Variants in IGSF21 observed in about 807,000 individuals in gnomAD.
IGSF21 encodes immunoglobin superfamily member 21.
In IGSF21, 28 loss-of-function variants were observed where a neutral mutation model predicts 46.8. That is an observed-to-expected ratio of 0.60 (90% CI 0.44 to 0.82). The LOEUF (loss-of-function observed/expected upper bound fraction) is 0.82, where lower values mean the gene tolerates loss of function less well. Ranked by LOEUF, IGSF21 falls within the 40% of genes least tolerant of loss-of-function variation. IGSF21 has a pLI of 0.00. For missense variants in IGSF21, 624 were observed against 665.5 expected (o/e 0.94, Z 0.69); for synonymous variants, 284 against 273.6 (o/e 1.04, Z -0.38).
chr1:18,202,498 T>TC (rs2087086193), intron 1 of IGSF21, among the ~76,000 whole-genome samples: 1 of 152,162 alleles, frequency 6.6e-6, no homozygotes, highest in African/African-American at 2.4e-5. Flanking sequence ...TCCTCATGGC[T>TC]GAGGAGGCCT....
At chr1:18,180,992 G>T (rs2086851626) in intron 1 of IGSF21, among the ~76,000 whole-genome samples, 1 of 152,208 alleles carries the variant, frequency 6.6e-6, no homozygotes, top group Non-Finnish European at 1.5e-5. Context: ...CTGGGCCTCA[G>T]TCTCCCCCTC....
chr1:18,288,645 C>G (rs1400832868), intron 2 of IGSF21, among the ~76,000 whole-genome samples: 3 of 152,222 alleles, frequency 2.0e-5, no homozygotes, highest in African/African-American at 7.2e-5. Flanking sequence ...CTTGGGCCCT[C>G]TAACCACCAG....
At chr1:18,180,510 GAT>G (rs1427512823) in intron 1 of IGSF21, among the ~76,000 whole-genome samples, 1 of 152,180 alleles carries the variant, frequency 6.6e-6, no homozygotes, top group Non-Finnish European at 1.5e-5. Flanking sequence ...AGCTTCCCTG[GAT>G]AAAACAAAGT....
chr1:18,176,867 G>T (rs1230533417), intron 1 of IGSF21, among the ~76,000 whole-genome samples: 2 of 152,208 alleles, frequency 1.3e-5, no homozygotes, highest in African/African-American at 2.4e-5. Flanking sequence ...AGGACAACAG[G>T]CCAGCTGTGA....
At chr1:18,325,589 A>G (rs2124598274) in intron 3 of IGSF21, among the ~76,000 whole-genome samples, 1 of 152,278 alleles carries the variant, frequency 6.6e-6, no homozygotes, top group South Asian at 2.1e-4. Flanking sequence ...TGAAAAGAAC[A>G]TCAGCTATTT....
At chr1:18,377,733 T>C (rs2086298791) in intron 9 of IGSF21, among the ~76,000 whole-genome samples, 1 of 152,200 alleles carries the variant, frequency 6.6e-6, no homozygotes, top group Non-Finnish European at 1.5e-5. Flanking sequence ...TCACTGCCCA[T>C]GGCATCTCTA....
intron 6 of IGSF21, 143 bp from the exon 7 acceptor site, chr1:18,376,167 G>A (rs1196761477): frequency 8.4e-6 from 6 of 715,450 alleles, no homozygotes; most frequent in African/African-American, 1.7e-5. Flanking sequence ...CTGTGAATGA[G>A]TGAATGAATG....
chr1:18,357,388 G>A (rs2086030908), intron 4 of IGSF21, among the ~76,000 whole-genome samples: 2 of 149,762 alleles, frequency 1.3e-5, no homozygotes. Flanking sequence ...AAAGGGATGG[G>A]GATGAGGATG....
chr1:18,236,499 G>A (rs1467688412), intron 2 of IGSF21, among the ~76,000 whole-genome samples: 1 of 152,210 alleles, frequency 6.6e-6, no homozygotes, highest in Admixed American at 6.5e-5. Context: ...GCTATGTTAA[G>A]CTGGGAGTGC....
At chr1:18,262,918 G>T (rs2084959175) in intron 2 of IGSF21, among the ~76,000 whole-genome samples, 1 of 152,198 alleles carries the variant, frequency 6.6e-6, no homozygotes, top group African/African-American at 2.4e-5. Context: ...TGAATGCCGT[G>T]GGAATGGAAT....
At chr1:18,367,680 C>T (rs779519180) in intron 6 of IGSF21, among the ~76,000 whole-genome samples, 12 of 139,454 alleles carry the variant, frequency 8.6e-5, no homozygotes, top group Non-Finnish European at 1.5e-4. Context: ...GATCTTGGCT[C>T]ACTGCAACCT....
At chr1:18,279,111 G>A (rs1433256880) in intron 2 of IGSF21, among the ~76,000 whole-genome samples, 2 of 152,196 alleles carry the variant, frequency 1.3e-5, no homozygotes, top group Admixed American at 1.3e-4. Flanking sequence ...GTGGCAGGAA[G>A]CAACTTGATT....
At chr1:18,229,312 C>T (rs1015713187) in intron 2 of IGSF21, among the ~76,000 whole-genome samples, 2 of 152,192 alleles carry the variant, frequency 1.3e-5, no homozygotes, top group Admixed American at 1.3e-4. Context: ...ACCACATCTA[C>T]ACACAGAGCA....
chr1:18,214,260 G>A (rs1157113463), intron 1 of IGSF21, among the ~76,000 whole-genome samples: 1 of 152,128 alleles, frequency 6.6e-6, no homozygotes, highest in African/African-American at 2.4e-5. Flanking sequence ...GGGAGGTCGG[G>A]GCAGGGGATG....
chr1:18,229,980 A>G (rs1031937782), intron 2 of IGSF21, among the ~76,000 whole-genome samples: 2 of 152,236 alleles, frequency 1.3e-5, no homozygotes, highest in African/African-American at 2.4e-5. Context: ...GCGAAATGGA[A>G]GGAAGTTTGG....
rs777571937 is a variant in IGSF21, at chr1:18,376,753, A to G, written c.1102-47A>G. ...GCCCCTGACCCCTTGCTGATCTGGC[A>G]GAATGGGCCCTCCTGTGACCCACCT... is the stretch of plus-strand genomic sequence containing the variant. On this transcript the variant is annotated intron_variant, in intron 7 of 9. Coordinates refer to ENST00000251296, the MANE Select transcript of IGSF21 (RefSeq NM_032880.5). 3.9e-6 allele frequency: 6 copies of G among 1,531,468 alleles called. No individual in the cohort carries two copies. In the East Asian group the frequency reaches 6.8e-5, roughly 17 times the overall value. The allele number at this position is 1,531,468 out of a possible 1,614,324, so 94.9% of individuals were successfully genotyped here.
intron 4 of IGSF21, among the ~76,000 whole-genome samples, chr1:18,351,120 G>A (rs1436326788): frequency 2.0e-5 from 3 of 152,110 alleles, no homozygotes; most frequent in Non-Finnish European, 4.4e-5. Context: ...ATGTCGCAGA[G>A]AAAGTCCACG....
chr1:18,215,162 A>G (rs1395156636), intron 1 of IGSF21, among the ~76,000 whole-genome samples: 4 of 152,166 alleles, frequency 2.6e-5, no homozygotes, highest in East Asian at 1.9e-4. Flanking sequence ...ACACGTGGGG[A>G]TTACAATTCA....
At chr1:18,230,497 A>G (rs773726242) in intron 2 of IGSF21, among the ~76,000 whole-genome samples, 3 of 152,026 alleles carry the variant, frequency 2.0e-5, no homozygotes, top group Admixed American at 6.5e-5. Flanking sequence ...CATGCAAATC[A>G]CCCACTAGAG....
Sources: gnomAD v4.1 joint callset for allele counts (sites outside exome capture counted in the v4.1 genomes callset) on GRCh38, gnomAD v4.1.1 for gene constraint, MANE v1.5 for transcripts, NCBI Gene and HGNC (gene_info 2026-07-23, HGNC 2026-07-21) for gene names.